Variants in GPR101 observed in about 807,000 individuals in gnomAD.
GPR101 encodes the protein G protein-coupled receptor 101, also known as probable G protein-coupled receptor 101.
A neutral mutation model predicts 16.4 loss-of-function variants in GPR101; 8 were observed. The ratio of observed to expected loss-of-function variants is 0.49; its 90% CI spans 0.29 to 0.88. The LOEUF is 0.88. Ranked by LOEUF, GPR101 falls within the 40% of genes least tolerant of loss-of-function variation. The probability of loss-of-function intolerance (pLI) is 0.09; values close to 1 mark genes in which losing one functional copy is unlikely to be tolerated. For missense variants in GPR101, 375 were observed against 411.7 expected (o/e 0.91, Z 0.77); for synonymous variants, 155 against 168.7 (o/e 0.92, Z 0.63).
intron 1 of GPR101, among the ~76,000 whole-genome samples, chrX:137,032,937 G>C (rs1042097429): frequency 1.8e-5 from 2 of 110,824 alleles, no homozygotes; most frequent in Non-Finnish European, 3.8e-5. Flanking sequence ...TTGAGTGTGT[G>C]CGCATCTCTA....
In GPR101 at chrX:137,028,158, A is replaced by G. The variant is rs1453219201; in HGVS notation, c.*1990T>C. Among the ~76,000 whole-genome samples, 1 of 112,305 alleles carries G rather than the reference A, an allele frequency of 8.9e-6. No homozygotes were observed. The highest frequency in any genetic ancestry group is 3.2e-5 in the African/African-American group (1 of 30,923). ...AAAAATAAATGATAGTGTAAGGGTAAACTTTAGCCCCCATGCCTTGTCTGA... is the reference window on the plus strand; with the variant it reads ...AAAAATAAATGATAGTGTAAGGGTAGACTTTAGCCCCCATGCCTTGTCTGA... On this transcript the variant is annotated 3_prime_UTR_variant, in exon 2 of 2. Transcript: ENST00000651716.
chrX:137,029,620 C>T lies in GPR101; in HGVS notation c.*528G>A, dbSNP rs374344693. Among the ~76,000 whole-genome samples the T allele has an allele frequency of 2.7e-5, 3 of 111,561 alleles. No homozygotes were observed. In the South Asian group the frequency reaches 1.2e-3, roughly 43 times the overall value. On this transcript the variant is annotated 3_prime_UTR_variant, in exon 2 of 2. Transcript: ENST00000651716. ...TAGTTTGTGTAACAGTCTTTGCACC[C>T]GACTGTGGGGCTGTTCAGTTCAGAA...
chrX:137,026,676 C>T lies in GPR101; in HGVS notation c.*3472G>A, dbSNP rs1036173475. Among the ~76,000 whole-genome samples, 3 of 111,931 alleles carry T rather than the reference C, an allele frequency of 2.7e-5. No individual in the cohort carries two copies. The highest frequency in any genetic ancestry group is 9.5e-5 in the Admixed American group (1 of 10,542). Reference sequence around the variant, plus strand: ...CTATTCCCCCAATGATGTGTAATATCGAGTGCTTTTTTGGTAAAAAATTAG... The same window carrying T: ...CTATTCCCCCAATGATGTGTAATATTGAGTGCTTTTTTGGTAAAAAATTAG... On this transcript the variant is annotated 3_prime_UTR_variant, in exon 2 of 2. Transcript: ENST00000651716.
intron 1 of GPR101, among the ~76,000 whole-genome samples, chrX:137,033,379 T>C (rs1927305917): frequency 9.4e-6 from 1 of 106,680 alleles, no homozygotes; most frequent in African/African-American, 3.4e-5. Context: ...AGCGAAAGAA[T>C]GAGATACATA....
At position 137,030,789 on chromosome X, in the gene GPR101, T is replaced by C. The variant is rs371522625; in HGVS notation, c.886A>G (p.Ser296Gly). ...TCGCTGCCCCTGGCCTCTACACTAC[T>C]CTCACTGGTCCCCGTGCTTCCTTCC... Reference protein sequence around the residue: ...AKEGSTGTSESSVEARGSEEV... With the variant: ...AKEGSTGTSEGSVEARGSEEV... The change falls in exon 2 of 2, where the codon AGT (serine) becomes GGT (glycine). Residue 296 changes from serine to glycine, a missense_variant. Ser to Gly is a moderately conservative substitution (Grantham distance 56, BLOSUM62 0). Coordinates refer to ENST00000651716, the MANE Select transcript of GPR101 (RefSeq NM_054021.2). The C allele has an allele frequency of 5.3e-5, 64 of 1,209,425 alleles. No homozygotes were observed. The Middle Eastern group carries it at 9.2e-4, about 17-fold the overall frequency.
rs1257918508 is a variant in GPR101 at position 137,024,581 on chromosome X, A to G, written c.*5567T>C. Among the ~76,000 whole-genome samples, 1 of 111,565 alleles carries G rather than the reference A, an allele frequency of 9.0e-6. No homozygotes were observed. Among genetic ancestry groups the G allele is most frequent in the Non-Finnish European group, 1.9e-5 (1 of 53,169 alleles). Reference sequence around the variant, plus strand: ...AATATTTTGTTCTGAAAATATAACAAAATCATCTTATAGTTTTCTTTTCTT... The same window carrying G: ...AATATTTTGTTCTGAAAATATAACAGAATCATCTTATAGTTTTCTTTTCTT... On this transcript the variant is annotated 3_prime_UTR_variant, in exon 2 of 2. Transcript: ENST00000651716.
chrX:137,026,257 G>A lies in GPR101; in HGVS notation c.*3891C>T. Among the ~76,000 whole-genome samples, 1 of 112,131 alleles carries A rather than the reference G, an allele frequency of 8.9e-6. No homozygotes were observed. The highest frequency in any genetic ancestry group is 1.9e-5 in the Non-Finnish European group (1 of 53,243). On this transcript the variant is annotated 3_prime_UTR_variant, in exon 2 of 2. Coordinates refer to ENST00000651716, the MANE Select transcript of GPR101 (RefSeq NM_054021.2). ...AAAAGACATTATGAGGGGAAAACAC[G>A]TTATTTTTTTCCTCAAAATATTGGG... is the stretch of plus-strand genomic sequence containing the variant.
rs1021494594 is a variant in GPR101, at chrX:137,024,209, G to T, written c.*5939C>A. ...TCTGGGACTGCTGGCCCATGTAATAGTGTTGATTTATGAATTTGATTGGGG... is the reference window on the plus strand; with the variant it reads ...TCTGGGACTGCTGGCCCATGTAATATTGTTGATTTATGAATTTGATTGGGG... On this transcript the variant is annotated 3_prime_UTR_variant, in exon 2 of 2. Coordinates refer to ENST00000651716, the MANE Select transcript of GPR101 (RefSeq NM_054021.2). Among the ~76,000 whole-genome samples the T allele has an allele frequency of 7.1e-5, 8 of 112,208 alleles. No individual in the cohort carries two copies. Among genetic ancestry groups the T allele is most frequent in the African/African-American group, 2.6e-4 (8 of 30,862 alleles).
chrX:137,025,050 G>A lies in GPR101; in HGVS notation c.*5098C>T, dbSNP rs151005677. 3.6e-5 allele frequency among the ~76,000 whole-genome samples: 4 copies of A among 111,940 alleles called. No homozygotes were observed. Among genetic ancestry groups the A allele is most frequent in the Non-Finnish European group, 7.5e-5 (4 of 53,230 alleles). ...AACTGTCAGCAAGGACTTCAGCCAC[G>A]ATGATTAGTTCACACTAATGACCAA... On this transcript the variant is annotated 3_prime_UTR_variant, in exon 2 of 2. Coordinates refer to ENST00000651716, the MANE Select transcript of GPR101 (RefSeq NM_054021.2).
intron 1 of GPR101, 57 bp from the exon 2 acceptor site, chrX:137,031,823 C>T: frequency 2.0e-6 from 1 of 498,859 alleles, no homozygotes; most frequent in Non-Finnish European, 3.2e-6. Context: ...GGAGAAGCCT[C>T]CGCGCCCAGC....
Position 137,031,683 on chromosome X carries a change from C to T in GPR101, c.-9G>A. 8.5e-7 allele frequency: 1 copy of T among 1,172,747 alleles called. No individual in the cohort carries two copies. Among genetic ancestry groups the T allele is most frequent in the South Asian group, 2.0e-5 (1 of 50,517 alleles). Reference sequence around the variant, plus strand: ...GTGCAGGTGGACGTCATGGCAACAGCCAGAGGGCGTGAGACAGGTTGCAGG... The same window carrying T: ...GTGCAGGTGGACGTCATGGCAACAGTCAGAGGGCGTGAGACAGGTTGCAGG... On this transcript the variant is annotated 5_prime_UTR_variant, in exon 2 of 2. Coordinates refer to ENST00000651716, the MANE Select transcript of GPR101 (RefSeq NM_054021.2).
Position 137,030,555 on chromosome X carries a change from C to T in GPR101, c.1120G>A (p.Glu374Lys), listed in dbSNP as rs1187104316. ...TTACGACGACTGGGTGGGAGGCTCTCCGGGATGTTCACTGCCTCGACGTCA... is the reference window on the plus strand; with the variant it reads ...TTACGACGACTGGGTGGGAGGCTCTTCGGGATGTTCACTGCCTCGACGTCA... ...EDDVEAVNIP[E>K]SLPPSRRNSN... Residue 374 changes from glutamate to lysine, a missense_variant, in exon 2 of 2, where the codon GAG becomes AAG. By Grantham distance (56) the Glu-to-Lys change is moderately conservative (BLOSUM62 1). Coordinates refer to ENST00000651716, the MANE Select transcript of GPR101 (RefSeq NM_054021.2). 3 of 1,211,000 alleles carry T rather than the reference C, an allele frequency of 2.5e-6. No homozygotes were observed. In the South Asian group the frequency reaches 5.3e-5, roughly 21 times the overall value.
In GPR101 at chrX:137,026,148, T is replaced by C. The variant is rs1003835461; in HGVS notation, c.*4000A>G. 2.7e-5 allele frequency among the ~76,000 whole-genome samples: 3 copies of C among 112,356 alleles called. No homozygotes were observed. Among genetic ancestry groups the C allele is most frequent in the Middle Eastern group, 4.6e-3 (1 of 219 alleles). ...ACAGCTAACTGTTCCTGTAATCTTT[T>C]GTCTGGTCTAGAAGGAAACGGCATT... On this transcript the variant is annotated 3_prime_UTR_variant, in exon 2 of 2. Coordinates refer to ENST00000651716, the MANE Select transcript of GPR101 (RefSeq NM_054021.2).
chrX:137,028,284 AC>A lies in GPR101; in HGVS notation c.*1863del, dbSNP rs1237543721. The stretch of plus-strand genomic sequence containing the variant: ...TATATTATTTGGTTCTATTCCCTCT[AC>A]TTTCCTAAATTCTGAACATGGCAAT... On this transcript the variant is annotated 3_prime_UTR_variant, in exon 2 of 2. Coordinates refer to ENST00000651716, the MANE Select transcript of GPR101 (RefSeq NM_054021.2). Among the ~76,000 whole-genome samples the A allele has an allele frequency of 9.0e-6, 1 of 111,683 alleles. No homozygotes were observed. Among genetic ancestry groups the A allele is most frequent in the Non-Finnish European group, 1.9e-5 (1 of 53,131 alleles).
At position 137,029,621 on chromosome X, in the gene GPR101, G is replaced by A. The variant is rs1013397104; in HGVS notation, c.*527C>T. ...AGTTTGTGTAACAGTCTTTGCACCC[G>A]ACTGTGGGGCTGTTCAGTTCAGAAT... On this transcript the variant is annotated 3_prime_UTR_variant, in exon 2 of 2. Coordinates refer to ENST00000651716, the MANE Select transcript of GPR101 (RefSeq NM_054021.2). 5.4e-5 allele frequency among the ~76,000 whole-genome samples: 6 copies of A among 111,510 alleles called. No individual in the cohort carries two copies. The highest frequency in any genetic ancestry group is 1.1e-4 in the Non-Finnish European group (6 of 53,143).
In GPR101 at chrX:137,024,693, C is replaced by G. The variant is rs921373846; in HGVS notation, c.*5455G>C. Among the ~76,000 whole-genome samples the G allele has an allele frequency of 4.5e-5, 5 of 110,939 alleles. No homozygotes were observed. Among genetic ancestry groups the G allele is most frequent in the Non-Finnish European group, 9.4e-5 (5 of 53,001 alleles). ...TAGAGGAGTCCCACTACCTCTCTATCTAGTTAGCCATCCATGCTGTCTCTA... is the reference window on the plus strand; with the variant it reads ...TAGAGGAGTCCCACTACCTCTCTATGTAGTTAGCCATCCATGCTGTCTCTA... On this transcript the variant is annotated 3_prime_UTR_variant, in exon 2 of 2. Coordinates refer to ENST00000651716, the MANE Select transcript of GPR101 (RefSeq NM_054021.2).
Position 137,033,873 on chromosome X carries a change from G to A in GPR101, c.-164C>T, listed in dbSNP as rs1257964739. Among the ~76,000 whole-genome samples, 2 of 112,188 alleles carry A rather than the reference G, an allele frequency of 1.8e-5. No individual in the cohort carries two copies. Among genetic ancestry groups the A allele is most frequent in the Non-Finnish European group, 3.8e-5 (2 of 52,937 alleles). On this transcript the variant is annotated 5_prime_UTR_variant, in exon 1 of 2. Transcript: ENST00000651716. ...TTCGGGGCTCCTCGCGCTCGTCCCG[G>A]CCGCCTCTCGGGGCTCGGGCGGCTG...
Position 137,027,988 on chromosome X carries a change from G to A in GPR101, c.*2160C>T, listed in dbSNP as rs749620552. 8.9e-6 allele frequency among the ~76,000 whole-genome samples: 1 copy of A among 112,240 alleles called. No individual in the cohort carries two copies. Among genetic ancestry groups the A allele is most frequent in the Non-Finnish European group, 1.9e-5 (1 of 53,226 alleles). On this transcript the variant is annotated 3_prime_UTR_variant, in exon 2 of 2. Coordinates refer to ENST00000651716, the MANE Select transcript of GPR101 (RefSeq NM_054021.2). ...TTTGACAATTTGAACAGACCTGAAG[G>A]CACTGCCCCTCCCCTGTAGGAGGAT...
rs1027428489 is a variant in GPR101, at chrX:137,028,740, G to A, written c.*1408C>T. Among the ~76,000 whole-genome samples the A allele has an allele frequency of 1.8e-5, 2 of 112,315 alleles. No homozygotes were observed. The highest frequency in any genetic ancestry group is 2.8e-4 in the East Asian group (1 of 3,605). On this transcript the variant is annotated 3_prime_UTR_variant, in exon 2 of 2. Coordinates refer to ENST00000651716, the MANE Select transcript of GPR101 (RefSeq NM_054021.2). ...ATATCCCTGCCCAAAGTTATTTTGC[G>A]GTTTGGGATTTGAGGAATGTTCCTG...
Sources: gnomAD v4.1 joint callset for allele counts (sites outside exome capture counted in the v4.1 genomes callset) on GRCh38, gnomAD v4.1.1 for gene constraint, MANE v1.5 for transcripts, NCBI Gene and HGNC (gene_info 2026-07-23, HGNC 2026-07-21) for gene names.